The following BLVRA variants were observed in gnomAD, a reference collection of about 807,000 sequenced individuals.
The protein encoded by BLVRA is biliverdin reductase A, also known as BVR A.
BLVRA carries 22 observed loss-of-function variants against 32.8 expected under a neutral mutation model. That is an observed-to-expected ratio of 0.67 (90% CI 0.48 to 0.96). BLVRA has a LOEUF of 0.96. BLVRA is among the 40% of genes least tolerant of loss of function. The pLI, the probability that BLVRA is intolerant of heterozygous loss-of-function variation, is 0.00. For missense variants in BLVRA, 323 were observed against 358.1 expected (o/e 0.90, Z 0.79); for synonymous variants, 119 against 141.3 (o/e 0.84, Z 1.12).
intron 2 of BLVRA, among the ~76,000 whole-genome samples, chr7:43,779,230 C>T (rs921236980): frequency 3.3e-5 from 5 of 152,356 alleles, no homozygotes; most frequent in Middle Eastern, 3.4e-3. Context: ...CCGTCTTCTG[C>T]GTTGCTCACG....
intron 1 of BLVRA, among the ~76,000 whole-genome samples, chr7:43,761,056 C>G (rs921014332): frequency 3.3e-5 from 5 of 152,190 alleles, no homozygotes; most frequent in Admixed American, 3.3e-4. Flanking sequence ...AGGCGTGAGC[C>G]ATTTCACCCG....
Position 43,798,674 on chromosome 7 carries a change from TAGTC to T in BLVRA, c.353-1787_353-1784del, listed in dbSNP as rs1298965919. Among the ~76,000 whole-genome samples the T allele has an allele frequency of 5.3e-5, 8 of 152,358 alleles. No homozygotes were observed. In the East Asian group the frequency reaches 1.2e-3, roughly 22 times the overall value. On this transcript the variant is annotated intron_variant, in intron 5 of 7. Transcript: ENST00000265523. The stretch of plus-strand genomic sequence containing the variant: ...ACTTTCTCTGCCTCAGCCTTGGAAT[TAGTC>T]AGTTCTCCAATGGCTAATAACGTTT...
chr7:43,768,666 T>C (rs2095750887), intron 1 of BLVRA, among the ~76,000 whole-genome samples: 1 of 152,182 alleles, frequency 6.6e-6, no homozygotes, highest in African/African-American at 2.4e-5. Flanking sequence ...GTTCTGTCAC[T>C]GTTCTGTTAT....
intron 1 of BLVRA, among the ~76,000 whole-genome samples, chr7:43,768,269 C>G (rs936919983): frequency 4.6e-5 from 7 of 152,170 alleles, no homozygotes; most frequent in Admixed American, 2.0e-4. Context: ...ACCATTCAGC[C>G]TACAGCCTAT....
chr7:43,790,993 G>T (rs1181576), intron 3 of BLVRA, among the ~76,000 whole-genome samples: 1 of 151,958 alleles, frequency 6.6e-6, no homozygotes, highest in Non-Finnish European at 1.5e-5. Context: ...TTTTGGAGAT[G>T]AAGTAATTCA....
intron 2 of BLVRA, among the ~76,000 whole-genome samples, chr7:43,778,726 C>A (rs1301166777): frequency 6.6e-6 from 1 of 152,250 alleles, no homozygotes; most frequent in African/African-American, 2.4e-5. Context: ...TTACTGCTGT[C>A]TTTTTGTTTG....
chr7:43,790,113 T>C (rs2095783687), intron 3 of BLVRA, among the ~76,000 whole-genome samples: 1 of 152,148 alleles, frequency 6.6e-6, no homozygotes, highest in African/African-American at 2.4e-5. Flanking sequence ...GCAGCTCAGC[T>C]GGAGCTCTGA....
chr7:43,786,537 A>G (rs182089816), intron 2 of BLVRA, among the ~76,000 whole-genome samples: 224 of 152,348 alleles, frequency 1.5e-3, no homozygotes, highest in Admixed American at 3.5e-3. Context: ...AACTTGATCT[A>G]ACAGACTTAT....
intron 4 of BLVRA, among the ~76,000 whole-genome samples, chr7:43,792,324 T>C (rs1480121817): frequency 1.3e-5 from 2 of 152,240 alleles, no homozygotes; most frequent in Non-Finnish European, 2.9e-5. Flanking sequence ...AGGTCCTTAG[T>C]GAAATCTTTT....
At chr7:43,785,267 A>G (rs2095775813) in intron 2 of BLVRA, among the ~76,000 whole-genome samples, 1 of 148,562 alleles carries the variant, frequency 6.7e-6, no homozygotes, top group Admixed American at 6.8e-5. Context: ...GATCATTAAT[A>G]TGTGTTTTGG....
intron 1 of BLVRA, chr7:43,759,992 T>TC (rs897063912): frequency 9.9e-5 from 13 of 131,238 alleles, no homozygotes; most frequent in African/African-American, 3.4e-4. Flanking sequence ...TATGTAATTT[T>TC]TTTTTTTTTT....
intron 2 of BLVRA, 82 bp downstream of exon 2, chr7:43,771,252 T>C (rs1318335560): frequency 6.7e-7 from 1 of 1,493,450 alleles, no homozygotes; most frequent in African/African-American, 1.4e-5. Flanking sequence ...CTCCATTCCC[T>C]TTCAGAAACA....
At chr7:43,762,668 G>A (rs1036531696) in intron 1 of BLVRA, among the ~76,000 whole-genome samples, 1 of 143,332 alleles carries the variant, frequency 7.0e-6, no homozygotes, top group African/African-American at 2.6e-5. Context: ...CTGGAGTGCA[G>A]TGGGACGGTC....
At chr7:43,792,608 CACAG>C in intron 4 of BLVRA, 103 bp from the exon 5 acceptor site, 2 of 1,096,798 alleles carry the variant, frequency 1.8e-6, no homozygotes, top group Non-Finnish European at 1.4e-6. Flanking sequence ...CACATTCACA[CACAG>C]AAACTCTCAT....
At chr7:43,790,115 G>A (rs939434194) in intron 3 of BLVRA, among the ~76,000 whole-genome samples, 5 of 152,066 alleles carry the variant, frequency 3.3e-5, no homozygotes, top group African/African-American at 1.2e-4. Context: ...AGCTCAGCTG[G>A]AGCTCTGAGC....
chr7:43,806,050 C>T lies in BLVRA; in HGVS notation c.633-927C>T, dbSNP rs1175345175. Reference sequence around the variant, plus strand: ...ATGAGAGGCCGGGCACAATGGCTCACGCCTGTAATCCCAGCACTTTGGGAG... The same window carrying T: ...ATGAGAGGCCGGGCACAATGGCTCATGCCTGTAATCCCAGCACTTTGGGAG... On this transcript the variant is annotated intron_variant, in intron 7 of 7. Coordinates refer to ENST00000265523, the MANE Select transcript of BLVRA (RefSeq NM_000712.4). Among the ~76,000 whole-genome samples the T allele has an allele frequency of 2.6e-5, 4 of 152,382 alleles. No individual in the cohort carries two copies. In the South Asian group the frequency reaches 6.2e-4, roughly 24 times the overall value.
At position 43,802,195 on chromosome 7, in the gene BLVRA, G is replaced by T. The variant is rs576993261; in HGVS notation, c.461-1481G>T. Among the ~76,000 whole-genome samples the T allele has an allele frequency of 1.5e-4, 23 of 152,162 alleles. No individual in the cohort carries two copies. In the South Asian group the frequency reaches 3.9e-3, roughly 26 times the overall value. On this transcript the variant is annotated intron_variant, in intron 6 of 7. Transcript: ENST00000265523. ...AGAGCAGACAGTAACCAGCCCTGGG[G>T]AAGTCTTTTTGTTTTGTAAGTTTGA...
intron 6 of BLVRA, among the ~76,000 whole-genome samples, chr7:43,803,379 T>A (rs367921271): frequency 6.6e-6 from 1 of 152,162 alleles, no homozygotes; most frequent in Non-Finnish European, 1.5e-5. Context: ...AGCCTGAAAC[T>A]TTTTTATTAT....
chr7:43,792,244 T>C (rs931698455), intron 4 of BLVRA, among the ~76,000 whole-genome samples: 2 of 152,200 alleles, frequency 1.3e-5, no homozygotes, highest in Admixed American at 1.3e-4. Context: ...CTGCATACGC[T>C]GCTCACAGTG....
Sources: allele counts gnomAD v4.1 joint callset (sites outside exome capture counted in the v4.1 genomes callset), GRCh38; gene constraint gnomAD v4.1.1; transcripts MANE v1.5; gene names NCBI Gene and HGNC (gene_info 2026-07-23, HGNC 2026-07-21).